The following BPTF variants were observed in gnomAD, a reference collection of about 807,000 sequenced individuals.
BPTF encodes nucleosome-remodeling factor subunit BPTF.
A neutral mutation model predicts 292.5 loss-of-function variants in BPTF; 18 were observed. That is an observed-to-expected ratio of 0.06 (90% confidence interval 0.04 to 0.09). BPTF has a LOEUF of 0.09. Ranked by LOEUF, BPTF falls within the 10% of genes least tolerant of loss-of-function variation. The probability of loss-of-function intolerance (pLI) is 1.00; values close to 1 mark genes in which losing one functional copy is unlikely to be tolerated. For synonymous variants in BPTF, 1,225 were observed against 1,251.9 expected (o/e 0.98, Z 0.45); for missense variants, 2,726 against 3,498.7 (o/e 0.78, Z 5.57).
At chr17:67,897,753 A>C (rs539312217) in intron 7 of BPTF, among the ~76,000 whole-genome samples, 79 of 152,340 alleles carry the variant, frequency 5.2e-4, no homozygotes, top group African/African-American at 1.9e-3. Context: ...TATTTCTTAA[A>C]TTTCGAGAAC....
At chr17:67,969,559 ATCT>A (rs10618398) in intron 26 of BPTF, among the ~76,000 whole-genome samples, 134,534 of 150,458 alleles carry the variant, frequency 0.89, 62,696 homozygotes, top group East Asian at 1. Context: ...TCCTATGTAA[ATCT>A]TCTTCGAAAA....
At chr17:67,916,548 C>T (rs1199927634) in intron 11 of BPTF, among the ~76,000 whole-genome samples, 4 of 151,996 alleles carry the variant, frequency 2.6e-5, no homozygotes, top group African/African-American at 9.7e-5. Flanking sequence ...CGAGATCGCG[C>T]CATTGCACTC....
intron 23 of BPTF, among the ~76,000 whole-genome samples, chr17:67,958,485 T>TG (rs2067158877): frequency 6.6e-6 from 1 of 152,066 alleles, no homozygotes; most frequent in African/African-American, 2.4e-5. Flanking sequence ...CCCAGGACTT[T>TG]GGAAGTCTAA....
chr17:67,837,987 T>C (rs2057264446), intron 1 of BPTF, among the ~76,000 whole-genome samples: 1 of 152,232 alleles, frequency 6.6e-6, no homozygotes, highest in Admixed American at 6.5e-5. Flanking sequence ...GAAGTCATTC[T>C]TGTGTGGACC....
At chr17:67,886,648 A>G (rs776406832) in intron 4 of BPTF, among the ~76,000 whole-genome samples, 16 of 152,096 alleles carry the variant, frequency 1.1e-4, no homozygotes, top group Non-Finnish European at 2.1e-4. Flanking sequence ...TTCTGCAGTT[A>G]CATTTATGTA....
intron 4 of BPTF, among the ~76,000 whole-genome samples, chr17:67,887,836 T>C (rs1463689259): frequency 6.6e-6 from 1 of 152,198 alleles, no homozygotes; most frequent in South Asian, 2.1e-4. Context: ...GCTATTCCCA[T>C]GTGGCAGGGA....
chr17:67,826,251 CGGAGGAGAT>C lies in BPTF; in HGVS notation c.531_539del (p.Glu178_Glu180del). 4.3e-6 allele frequency: 7 copies of C among 1,613,370 alleles called. No homozygotes were observed. The highest frequency in any genetic ancestry group is 1.3e-5 in the African/African-American group (1 of 74,962). On this transcript the variant is annotated inframe_deletion, in exon 1 of 28. Transcript: ENST00000306378. ...GAGGACGACGATGACTCCGATTATC[CGGAGGAGAT>C]GGAAGACGACGACGACGACGCCAGT...
chr17:67,891,442 G>A (rs1032587383), intron 4 of BPTF: 5 of 154,360 alleles, frequency 3.2e-5, no homozygotes, highest in African/African-American at 1.2e-4. Flanking sequence ...CAGAATTTCA[G>A]TGGAAATCTT....
At position 67,886,202 on chromosome 17, in the gene BPTF, A is replaced by G. The variant is rs199651053; in HGVS notation, c.1865-5642A>G. The stretch of plus-strand genomic sequence containing the variant: ...CTCCATCCAGCCTAATCTGGAAAAC[A>G]GTAACAGCAGCAGTGAACTAAATTC... On this transcript the variant is annotated intron_variant, in intron 4 of 27. Coordinates refer to ENST00000306378, the MANE Select transcript of BPTF (RefSeq NM_182641.4). 3.7e-6 allele frequency: 6 copies of G among 1,614,058 alleles called. No individual in the cohort carries two copies. In the African/African-American group the frequency reaches 5.3e-5, roughly 14 times the overall value.
chr17:67,880,907 G>T (rs1383570012), intron 4 of BPTF, among the ~76,000 whole-genome samples: 2 of 150,178 alleles, frequency 1.3e-5, no homozygotes, highest in East Asian at 3.9e-4. Context: ...AATTAATGTT[G>T]ATAAATGTTC....
chr17:67,875,751 A>C, intron 4 of BPTF: 1 of 1,553,982 alleles, frequency 6.4e-7, no homozygotes, highest in Non-Finnish European at 8.7e-7. Flanking sequence ...CCAGGTACAG[A>C]GGGCAGCGTA....
intron 27 of BPTF, among the ~76,000 whole-genome samples, chr17:67,976,851 AAT>A (rs1165743255): frequency 2.6e-5 from 4 of 152,098 alleles, no homozygotes; most frequent in Non-Finnish European, 5.9e-5. Context: ...GCAGTGAATA[AAT>A]TAAAGCCCCT....
chr17:67,953,666 C>T (rs1216399900), intron 23 of BPTF, among the ~76,000 whole-genome samples: 1 of 150,878 alleles, frequency 6.6e-6, no homozygotes, highest in Non-Finnish European at 1.5e-5. Flanking sequence ...ATCTCCACCT[C>T]CCAGGTTGAA....
intron 4 of BPTF, among the ~76,000 whole-genome samples, chr17:67,882,226 G>T (rs189104782): frequency 2.0e-5 from 3 of 152,148 alleles, no homozygotes; most frequent in Admixed American, 2.0e-4. Context: ...CCTCCAAGAA[G>T]TCCTGGTTCC....
intron 19 of BPTF, among the ~76,000 whole-genome samples, chr17:67,941,162 T>C (rs1286620688): frequency 6.6e-6 from 1 of 152,196 alleles, no homozygotes; most frequent in Non-Finnish European, 1.5e-5. Flanking sequence ...TATCAAAACT[T>C]AGTATAGGCT....
At chr17:67,928,691 A>G in intron 16 of BPTF, 90 bp downstream of exon 16, 1 of 1,437,940 alleles carries the variant, frequency 7.0e-7, no homozygotes, top group Non-Finnish European at 9.3e-7. Context: ...ATTTTTTTAG[A>G]AGATTGTTTT....
At chr17:67,930,084 C>G (rs2064238741) in intron 17 of BPTF, among the ~76,000 whole-genome samples, 1 of 147,118 alleles carries the variant, frequency 6.8e-6, no homozygotes. Context: ...CCACCACACT[C>G]TAGCCTGGGC....
intron 20 of BPTF, 25 bp from the exon 21 acceptor site, chr17:67,945,384 A>T: frequency 6.3e-7 from 1 of 1,588,230 alleles, no homozygotes; most frequent in Non-Finnish European, 8.6e-7. Flanking sequence ...GAGTAATAGA[A>T]ATGGTTCATC....
At chr17:67,928,676 G>A in intron 16 of BPTF, 75 bp downstream of exon 16, 1 of 1,466,936 alleles carries the variant, frequency 6.8e-7, no homozygotes, top group Non-Finnish European at 9.1e-7. Context: ...CTACTGAAAT[G>A]AAACATTTTT....
Sources: allele counts gnomAD v4.1 joint callset (sites outside exome capture counted in the v4.1 genomes callset), GRCh38; gene constraint gnomAD v4.1.1; transcripts MANE v1.5; gene names NCBI Gene and HGNC (gene_info 2026-07-23, HGNC 2026-07-21).